The following PALLD variants were observed in gnomAD, a reference collection of about 807,000 sequenced individuals.
The protein encoded by PALLD is palladin, cytoskeletal associated protein.
PALLD carries 61 observed loss-of-function variants against 123.5 expected under a neutral mutation model. The observed-to-expected ratio is 0.49, with a 90% CI of 0.40 to 0.61. PALLD has a LOEUF of 0.61. PALLD is among the 20% of genes least tolerant of loss of function. PALLD has a pLI of 0.00. For missense variants in PALLD, 1,273 were observed against 1,377.0 expected (o/e 0.92, Z 1.20); for synonymous variants, 465 against 496.4 (o/e 0.94, Z 0.84).
At chr4:168,877,850 C>G in intron 10 of PALLD, 1 of 1,374,174 alleles carries the variant, frequency 7.3e-7, no homozygotes, top group Non-Finnish European at 9.4e-7. Context: ...GCCCGCCTTC[C>G]CCGAGCTCGC....
At chr4:168,690,530 T>C in intron 6 of PALLD, 73 bp from the exon 7 acceptor site, 1 of 1,575,794 alleles carries the variant, frequency 6.3e-7, no homozygotes, top group Non-Finnish European at 8.7e-7. Flanking sequence ...GGAATTTTTA[T>C]TCTGTGTTGT....
At chr4:168,793,154 T>C (rs1435652766) in intron 10 of PALLD, among the ~76,000 whole-genome samples, 2 of 141,106 alleles carry the variant, frequency 1.4e-5, no homozygotes, top group African/African-American at 2.6e-5. Flanking sequence ...TATGTGTGCA[T>C]ATATATACAT....
chr4:168,828,952 G>A (rs766773711), intron 10 of PALLD: 4 of 152,208 alleles, frequency 2.6e-5, no homozygotes, highest in Non-Finnish European at 5.9e-5. Context: ...CTAAGTTTTA[G>A]TCAAGGAAGA....
intron 17 of PALLD, among the ~76,000 whole-genome samples, chr4:168,919,826 CTGG>C (rs1336025231): frequency 3.3e-5 from 5 of 152,174 alleles, no homozygotes; most frequent in African/African-American, 1.2e-4. Flanking sequence ...TTGTGACCTG[CTGG>C]TGGTGACCTT....
At chr4:168,516,557 A>G (rs1182380384) in intron 2 of PALLD, among the ~76,000 whole-genome samples, 2 of 152,208 alleles carry the variant, frequency 1.3e-5, no homozygotes, top group South Asian at 2.1e-4. Context: ...ATTTAAATGT[A>G]AGGAGACTGG....
rs1055519522 is a variant in PALLD, at chr4:168,711,739, C to T, written c.1780C>T (p.Leu594=). The change falls in exon 10 of 22, where the codon CTG becomes TTG. Residue 594 remains leucine (L), a synonymous_variant. Transcript: ENST00000505667. Reference sequence around the variant, plus strand: ...GCAGGTGAACAACCCTGAGTTAGGCCTGAGCAGGGCAGCCCTTCAAATGCA... The same window carrying T: ...GCAGGTGAACAACCCTGAGTTAGGCTTGAGCAGGGCAGCCCTTCAAATGCA... ...IQQVNNPELG[L]SRAALQMQFN... is the part of the protein sequence containing the mutation. The T allele has an allele frequency of 2.5e-6, 4 of 1,614,160 alleles. No individual in the cohort carries two copies. The highest frequency in any genetic ancestry group is 3.4e-6 in the Non-Finnish European group (4 of 1,180,030).
chr4:168,641,207 C>CAAA (rs567163235), intron 2 of PALLD, among the ~76,000 whole-genome samples: 1 of 114,582 alleles, frequency 8.7e-6, no homozygotes, highest in African/African-American at 3.1e-5. Context: ...GACTCCATCT[C>CAAA]AAAAAAAAAA....
At chr4:168,575,348 C>T (rs1029745076) in intron 2 of PALLD, among the ~76,000 whole-genome samples, 87 of 152,078 alleles carry the variant, frequency 5.7e-4, no homozygotes, top group African/African-American at 2.1e-3. Flanking sequence ...GAAGCAGGCA[C>T]ATCTTACATG....
At chr4:168,504,856 G>C (rs182916376) in intron 1 of PALLD, 2 of 152,116 alleles carry the variant, frequency 1.3e-5, no homozygotes, top group Admixed American at 6.5e-5. Context: ...CTTTAATGGC[G>C]TTGGTGTTTA....
chr4:168,750,705 T>C (rs1227539588), intron 10 of PALLD, among the ~76,000 whole-genome samples: 2 of 152,208 alleles, frequency 1.3e-5, no homozygotes, highest in African/African-American at 4.8e-5. Context: ...AAAAAAGTTA[T>C]TCTACTCAGC....
At position 168,582,851 on chromosome 4, in the gene PALLD, T is replaced by C. The variant is rs917574389; in HGVS notation, c.908+70439T>C. 4.6e-5 allele frequency among the ~76,000 whole-genome samples: 7 copies of C among 152,154 alleles called. No homozygotes were observed. The East Asian group carries it at 1.2e-3, about 25-fold the overall frequency. ...GGTATTTTGTTGTGGGAAAATATAA[T>C]GTTATATGCATAGTTGCCTCCAACC... is the stretch of plus-strand genomic sequence containing the variant. On this transcript the variant is annotated intron_variant, in intron 2 of 21. Coordinates refer to ENST00000505667, the MANE Select transcript of PALLD (RefSeq NM_001166108.2).
intron 10 of PALLD, among the ~76,000 whole-genome samples, chr4:168,738,864 T>A (rs759911192): frequency 1.3e-5 from 2 of 152,074 alleles, no homozygotes; most frequent in Admixed American, 6.5e-5. Context: ...TAATGAGTAC[T>A]GTATAATATT....
At chr4:168,663,854 A>T (rs1056620340) in intron 2 of PALLD, among the ~76,000 whole-genome samples, 2 of 151,796 alleles carry the variant, frequency 1.3e-5, no homozygotes, top group Non-Finnish European at 2.9e-5. Context: ...TTGATTGTTT[A>T]AAAAAAATGC....
intron 10 of PALLD, among the ~76,000 whole-genome samples, chr4:168,817,032 G>A (rs919429950): frequency 2.0e-5 from 3 of 152,098 alleles, no homozygotes; most frequent in East Asian, 1.9e-4. Context: ...AGGCAATTGC[G>A]GAGAGTAAAA....
chr4:168,556,922 A>T (rs1767371450), intron 2 of PALLD, among the ~76,000 whole-genome samples: 1 of 152,184 alleles, frequency 6.6e-6, no homozygotes, highest in Admixed American at 6.5e-5. Flanking sequence ...TTTATTCTAG[A>T]CAGCTCCCTG....
intron 2 of PALLD, among the ~76,000 whole-genome samples, chr4:168,526,732 C>A (rs1764086488): frequency 6.6e-6 from 1 of 152,152 alleles, no homozygotes; most frequent in South Asian, 2.1e-4. Context: ...TGTTTTCTCA[C>A]AGCCTCACCT....
intron 8 of PALLD, among the ~76,000 whole-genome samples, 186 bp downstream of exon 8, chr4:168,691,478 T>G (rs1388628244): frequency 1.3e-5 from 2 of 152,192 alleles, no homozygotes; most frequent in African/African-American, 4.8e-5. Context: ...ACACTGCATT[T>G]TACATCAACG....
chr4:168,859,591 TCTATC>T (rs1176040190), intron 10 of PALLD, among the ~76,000 whole-genome samples: 1 of 152,200 alleles, frequency 6.6e-6, no homozygotes, highest in Non-Finnish European at 1.5e-5. Context: ...CATGGACAAA[TCTATC>T]ACCACTACCC....
At chr4:168,839,624 G>C (rs893543965) in intron 10 of PALLD, among the ~76,000 whole-genome samples, 12 of 152,036 alleles carry the variant, frequency 7.9e-5, no homozygotes, top group African/African-American at 2.9e-4. Context: ...GGGTGCATCA[G>C]AGGTTACTCC....
Sources: gnomAD v4.1 joint callset for allele counts (sites outside exome capture counted in the v4.1 genomes callset) on GRCh38, gnomAD v4.1.1 for gene constraint, MANE v1.5 for transcripts, NCBI Gene and HGNC (gene_info 2026-07-23, HGNC 2026-07-21) for gene names.